Variants in ERBB4 observed in about 807,000 individuals in gnomAD.
ERBB4 encodes receptor tyrosine-protein kinase erbB-4.
In ERBB4, 42 loss-of-function variants were observed where a neutral mutation model predicts 158.0. The ratio of observed to expected loss-of-function variants is 0.27; its 90% CI spans 0.21 to 0.34. ERBB4 has a LOEUF of 0.34. Among genes scored for constraint, ERBB4 ranks in the 10% least tolerant of loss-of-function variants. ERBB4 has a pLI of 1.00. For synonymous variants in ERBB4, 583 were observed against 558.7 expected (o/e 1.04, Z -0.61); for missense variants, 1,333 against 1,624.1 (o/e 0.82, Z 3.08).
chr2:211,669,713 C>G (rs2071767027), intron 14 of ERBB4, among the ~76,000 whole-genome samples: 1 of 152,140 alleles, frequency 6.6e-6, no homozygotes, highest in South Asian at 2.1e-4. Flanking sequence ...TATATTATCT[C>G]ATTTTACTTA....
At chr2:212,247,508 A>T (rs770102275) in intron 1 of ERBB4, among the ~76,000 whole-genome samples, 2 of 152,200 alleles carry the variant, frequency 1.3e-5, no homozygotes, top group Admixed American at 1.3e-4. Flanking sequence ...TAGAAATATA[A>T]GTTTGTGTGG....
chr2:211,632,795 T>C (rs913312488), intron 16 of ERBB4, among the ~76,000 whole-genome samples: 5 of 152,116 alleles, frequency 3.3e-5, no homozygotes, highest in Admixed American at 2.6e-4. Flanking sequence ...TCTGGTTTTA[T>C]AGTTAGAATT....
intron 19 of ERBB4, among the ~76,000 whole-genome samples, chr2:211,615,755 T>A (rs575597451): frequency 1.3e-5 from 2 of 152,236 alleles, no homozygotes; most frequent in Admixed American, 1.3e-4. Flanking sequence ...AAATTTTGAG[T>A]ATTAAGTTGC....
At chr2:212,316,522 A>G (rs982397754) in intron 1 of ERBB4, among the ~76,000 whole-genome samples, 2 of 151,522 alleles carry the variant, frequency 1.3e-5, no homozygotes, top group Admixed American at 6.6e-5. Flanking sequence ...CACGCTAAGT[A>G]AGCTTTCAGG....
At chr2:211,556,540 G>A (rs1320698636) in intron 20 of ERBB4, among the ~76,000 whole-genome samples, 1 of 151,258 alleles carries the variant, frequency 6.6e-6, no homozygotes, top group Non-Finnish European at 1.5e-5. Context: ...ACTTTTTGTG[G>A]GTACATAGGT....
chr2:212,158,812 G>T (rs896319921), intron 1 of ERBB4, among the ~76,000 whole-genome samples: 2 of 151,904 alleles, frequency 1.3e-5, no homozygotes, highest in African/African-American at 4.8e-5. Flanking sequence ...TAGGAATGAT[G>T]ATATGACAAG....
At chr2:211,908,057 T>A (rs1408929728) in intron 3 of ERBB4, among the ~76,000 whole-genome samples, 3 of 151,634 alleles carry the variant, frequency 2.0e-5, no homozygotes, top group African/African-American at 7.2e-5. Flanking sequence ...AAAAAACATA[T>A]TTAGGTATCT....
intron 20 of ERBB4, among the ~76,000 whole-genome samples, chr2:211,470,800 C>T (rs777099956): frequency 2.6e-5 from 4 of 152,198 alleles, no homozygotes; most frequent in Non-Finnish European, 4.4e-5. Flanking sequence ...ATTCTAAAAA[C>T]ACCTTGCCCA....
chr2:211,509,184 G>A (rs533248047), intron 20 of ERBB4, among the ~76,000 whole-genome samples: 25 of 151,952 alleles, frequency 1.6e-4, no homozygotes, highest in Non-Finnish European at 3.1e-4. Context: ...AGAGCCTGTC[G>A]GGGAGTGGGG....
intron 2 of ERBB4, among the ~76,000 whole-genome samples, chr2:211,952,041 A>G (rs2080887869): frequency 6.6e-6 from 1 of 152,048 alleles, no homozygotes; most frequent in African/African-American, 2.4e-5. Context: ...TCAACCCAAG[A>G]TGTGTTGCTC....
chr2:211,584,910 GT>G (rs1306904614), intron 19 of ERBB4, among the ~76,000 whole-genome samples: 1 of 151,410 alleles, frequency 6.6e-6, no homozygotes, highest in Non-Finnish European at 1.5e-5. Context: ...TTTTAAACAT[GT>G]TTTATTTATT....
intron 1 of ERBB4, among the ~76,000 whole-genome samples, chr2:212,518,876 G>A (rs1284991198): frequency 1.1e-4 from 17 of 151,866 alleles, no homozygotes. Context: ...TCAGGTCTGG[G>A]GACCTGAATA....
rs148804822 is a variant in ERBB4 at position 211,377,422 on chromosome 2, G to A, written c.*6193C>T. The A allele has an allele frequency of 4.0e-4, 92 of 227,978 alleles. No homozygotes were observed. The highest frequency in any genetic ancestry group is 1.9e-3 in the African/African-American group (87 of 45,106). The allele number at this position is 227,978 out of a possible 1,614,324, so 14.1% of individuals were successfully genotyped here. A position where few individuals can be genotyped will look rare whatever the true frequency, so the allele number is the denominator to read the frequency against. On this transcript the variant is annotated 3_prime_UTR_variant, in exon 28 of 28. Transcript: ENST00000342788. ...TTGCACAAATATAACCACTTCTCAT[G>A]ATATAGGGAAAGCTCACTAGAGCAT...
chr2:211,860,818 C>T (rs1374042607), intron 3 of ERBB4, among the ~76,000 whole-genome samples: 1 of 148,062 alleles, frequency 6.8e-6, no homozygotes, highest in African/African-American at 2.5e-5. Context: ...TGGTGTTAGG[C>T]TCTATAATAA....
intron 20 of ERBB4, among the ~76,000 whole-genome samples, chr2:211,533,492 G>C: frequency 6.6e-6 from 1 of 152,042 alleles, no homozygotes; most frequent in East Asian, 1.9e-4. Context: ...ATGAAAAACT[G>C]TTTGACAAAT....
intron 1 of ERBB4, among the ~76,000 whole-genome samples, chr2:212,377,632 G>A (rs2090369243): frequency 6.6e-6 from 1 of 151,926 alleles, no homozygotes. Flanking sequence ...ACTAGGAGTT[G>A]CTCTAGGTGA....
intron 1 of ERBB4, among the ~76,000 whole-genome samples, chr2:212,469,598 C>T (rs1689013721): frequency 6.6e-6 from 1 of 152,214 alleles, no homozygotes; most frequent in South Asian, 2.1e-4. Flanking sequence ...TTTTTGAATT[C>T]TCTTATTTCC....
At chr2:212,040,142 TTCAA>T (rs2077103887) in intron 2 of ERBB4, among the ~76,000 whole-genome samples, 1 of 151,488 alleles carries the variant, frequency 6.6e-6, no homozygotes, top group Non-Finnish European at 1.5e-5. Context: ...AATTCAATGT[TTCAA>T]TCAGTTTAGT....
intron 24 of ERBB4, among the ~76,000 whole-genome samples, chr2:211,421,628 T>C (rs576292616): frequency 1.8e-4 from 28 of 151,960 alleles, no homozygotes; most frequent in African/African-American, 5.8e-4. Flanking sequence ...TCTTCAAGCA[T>C]GGGCAAGATT....
Sources: allele counts gnomAD v4.1 joint callset (sites outside exome capture counted in the v4.1 genomes callset), GRCh38; gene constraint gnomAD v4.1.1; transcripts MANE v1.5; gene names NCBI Gene and HGNC (gene_info 2026-07-23, HGNC 2026-07-21).